PRKG1: variants seen among roughly 807,000 people sequenced by gnomAD.
PRKG1 encodes the protein cGMP-dependent protein kinase 1.
Under a neutral mutation model 88.1 loss-of-function variants are expected in PRKG1, and 35 were observed. The ratio of observed to expected loss-of-function variants is 0.40; its 90% CI spans 0.30 to 0.53. The LOEUF (loss-of-function observed/expected upper bound fraction) is 0.53. Ranked by LOEUF, PRKG1 falls within the 20% of genes least tolerant of loss-of-function variation. PRKG1 has a pLI of 0.59. For synonymous variants in PRKG1, 303 were observed against 292.5 expected (o/e 1.04, Z -0.37); for missense variants, 540 against 839.8 (o/e 0.64, Z 4.41).
At chr10:52,263,004 A>G (rs1401589886) in intron 10 of PRKG1, among the ~76,000 whole-genome samples, 5 of 152,142 alleles carry the variant, frequency 3.3e-5, no homozygotes, top group Non-Finnish European at 7.4e-5. Context: ...TGCAGAACCT[A>G]CAGATGCAGA....
chr10:52,146,250 A>G (rs2132658705), intron 8 of PRKG1, among the ~76,000 whole-genome samples: 1 of 152,320 alleles, frequency 6.6e-6, no homozygotes, highest in East Asian at 1.9e-4. Context: ...GAAAGATTGG[A>G]AAGCATAGAG....
At chr10:51,396,348 C>T (rs890743868) in intron 2 of PRKG1, among the ~76,000 whole-genome samples, 1 of 150,900 alleles carries the variant, frequency 6.6e-6, no homozygotes, top group African/African-American at 2.4e-5. Flanking sequence ...TTACGGTGAT[C>T]GCATAACTAC....
intron 9 of PRKG1, among the ~76,000 whole-genome samples, chr10:52,226,411 A>G (rs1465716296): frequency 6.6e-6 from 1 of 152,196 alleles, no homozygotes; most frequent in East Asian, 1.9e-4. Flanking sequence ...CCCTCACAGC[A>G]GGATTATTCT....
At chr10:51,306,001 CA>C (rs1173600738) in intron 2 of PRKG1, among the ~76,000 whole-genome samples, 1 of 152,148 alleles carries the variant, frequency 6.6e-6, no homozygotes, top group Non-Finnish European at 1.5e-5. Context: ...GACACTAAGG[CA>C]AATATTATGT....
chr10:51,695,805 G>A (rs1841275096), intron 3 of PRKG1: 2 of 152,108 alleles, frequency 1.3e-5, no homozygotes, highest in Non-Finnish European at 1.5e-5. Context: ...CTAATTTAAA[G>A]TGTAAAAATT....
intron 5 of PRKG1, among the ~76,000 whole-genome samples, chr10:51,928,707 T>G (rs958464159): frequency 6.6e-6 from 1 of 152,202 alleles, no homozygotes; most frequent in Non-Finnish European, 1.5e-5. Context: ...ACACTGATTT[T>G]GCAATCAGCT....
chr10:51,691,752 T>C (rs751433003), intron 3 of PRKG1, among the ~76,000 whole-genome samples: 15 of 152,184 alleles, frequency 9.9e-5, no homozygotes, highest in Non-Finnish European at 2.2e-4. Context: ...TGTGGCCAAA[T>C]TGGAGAATAT....
intron 7 of PRKG1, chr10:52,128,659 C>G (rs1837167265): frequency 1.3e-6 from 1 of 776,940 alleles, no homozygotes; most frequent in Non-Finnish European, 1.6e-6. Context: ...AAAAAGAGGC[C>G]ACTACTAAAC....
intron 5 of PRKG1, among the ~76,000 whole-genome samples, chr10:51,919,996 A>G (rs1175355020): frequency 6.6e-6 from 1 of 152,188 alleles, no homozygotes; most frequent in Non-Finnish European, 1.5e-5. Flanking sequence ...AATGAATGAA[A>G]CAAAATTGTT....
chr10:51,442,584 T>C (rs16918171), intron 2 of PRKG1, among the ~76,000 whole-genome samples: 2,153 of 152,086 alleles, frequency 0.014, 25 homozygotes, highest in Non-Finnish European at 0.019. Context: ...TTTTAATGGA[T>C]TTACTCAGTA....
intron 1 of PRKG1, among the ~76,000 whole-genome samples, chr10:51,058,346 A>C (rs1324748235): frequency 6.6e-6 from 1 of 152,072 alleles, no homozygotes; most frequent in Admixed American, 6.6e-5. Context: ...AAATAGACTT[A>C]ATTTTTTGAG....
intron 5 of PRKG1, among the ~76,000 whole-genome samples, chr10:52,037,866 T>G (rs1845657267): frequency 6.6e-6 from 1 of 151,082 alleles, no homozygotes; most frequent in Non-Finnish European, 1.5e-5. Flanking sequence ...AAAGGAAGAT[T>G]AGAAAGACTC....
chr10:51,434,666 G>A (rs1838868647), intron 2 of PRKG1, among the ~76,000 whole-genome samples: 1 of 152,070 alleles, frequency 6.6e-6, no homozygotes, highest in Non-Finnish European at 1.5e-5. Flanking sequence ...AGTGCATACG[G>A]TATTTTCATT....
intron 5 of PRKG1, among the ~76,000 whole-genome samples, chr10:51,947,418 A>T (rs901779629): frequency 1.3e-5 from 2 of 152,102 alleles, no homozygotes; most frequent in African/African-American, 4.8e-5. Flanking sequence ...GCACTTCCCA[A>T]GTGAGGCAAT....
intron 1 of PRKG1, among the ~76,000 whole-genome samples, chr10:51,108,031 C>T (rs891615823): frequency 2.6e-5 from 4 of 151,980 alleles, no homozygotes; most frequent in African/African-American, 9.7e-5. Context: ...TTAAAAGGCA[C>T]ATACTACCAA....
rs750527976 is a variant in PRKG1, at chr10:51,698,903, CCAGGGCCAGGGCCAGAGA to C, written c.593-105678_593-105661del. ...TCCTGGGCAGAGCCCAGGGCCAGGG[CCAGGGCCAGGGCCAGAGA>C]CAGACACAGACTGAGATTTGCCTGG... On this transcript the variant is annotated intron_variant, in intron 3 of 17. Coordinates refer to ENST00000373980, the MANE Select transcript of PRKG1 (RefSeq NM_006258.4). The C allele has an allele frequency of 4.3e-6, 7 of 1,613,638 alleles. No individual in the cohort carries two copies. The Admixed American group carries it at 1.0e-4, about 23-fold the overall frequency.
rs1007183831 is a variant in PRKG1 at position 51,006,593 on chromosome 10, G to C, written c.266+14949G>C. Among the ~76,000 whole-genome samples the C allele has an allele frequency of 2.6e-5, 4 of 152,144 alleles. No individual in the cohort carries two copies. In the East Asian group the frequency reaches 5.8e-4, roughly 22 times the overall value. ...TTGAAATAGCTCTGACCCTATTTTC[G>C]GAGTAATTTCCTGAATCACAGATGG... On this transcript the variant is annotated intron_variant, in intron 1 of 17. Transcript: ENST00000401604.
intron 2 of PRKG1, among the ~76,000 whole-genome samples, chr10:51,159,255 A>G (rs978381720): frequency 6.6e-6 from 1 of 152,166 alleles, no homozygotes; most frequent in Admixed American, 6.6e-5. Flanking sequence ...GATGGCATTC[A>G]GAACACTACC....
chr10:51,375,065 C>A (rs1011906062), intron 2 of PRKG1, among the ~76,000 whole-genome samples: 13 of 152,108 alleles, frequency 8.5e-5, no homozygotes, highest in African/African-American at 3.1e-4. Context: ...CATTCCATTA[C>A]CTTTTGCCAT....
Sources: allele counts gnomAD v4.1 joint callset (sites outside exome capture counted in the v4.1 genomes callset), GRCh38; gene constraint gnomAD v4.1.1; transcripts MANE v1.5; gene names NCBI Gene and HGNC (gene_info 2026-07-23, HGNC 2026-07-21).